The following RYR2 variants were observed in gnomAD, a reference collection of about 807,000 sequenced individuals.
RYR2 encodes the protein ryanodine receptor 2, also known as cardiac muscle ryanodine receptor-calcium release channel.
A neutral mutation model predicts 601.1 loss-of-function variants in RYR2; 227 were observed. That is an observed-to-expected ratio of 0.38 (90% CI 0.34 to 0.42). RYR2 has a LOEUF of 0.42. RYR2 is among the 10% of genes least tolerant of loss of function. The pLI is 1.00. For missense variants in RYR2, 4,646 were observed against 6,156.5 expected (o/e 0.75, Z 8.21); for synonymous variants, 2,223 against 2,175.1 (o/e 1.02, Z -0.61).
intron 28 of RYR2, 37 bp downstream of exon 28, chr1:237,566,812 T>G: frequency 6.3e-7 from 1 of 1,599,136 alleles, no homozygotes; most frequent in Non-Finnish European, 8.6e-7. Context: ...CATCTGTACG[T>G]GCTGGAGGCT....
Position 237,360,117 on chromosome 1 carries a change from A to G in RYR2, c.294+4132A>G, listed in dbSNP as rs989748422. 3.9e-5 allele frequency among the ~76,000 whole-genome samples: 6 copies of G among 152,228 alleles called. No individual in the cohort carries two copies. The East Asian group carries it at 7.7e-4, about 20-fold the overall frequency. On this transcript the variant is annotated intron_variant, in intron 4 of 104. Coordinates refer to ENST00000366574, the MANE Select transcript of RYR2 (RefSeq NM_001035.3). ...AAATGCATTTTAACACACGACTGCT[A>G]TTATGTGAGAACCTGCGAAATGCTT...
intron 83 of RYR2, among the ~76,000 whole-genome samples, chr1:237,760,309 G>C (rs1341770106): frequency 7.3e-6 from 1 of 136,616 alleles, no homozygotes; most frequent in Non-Finnish European, 1.5e-5. Flanking sequence ...AGTGAGCTAT[G>C]ATAGTGCCAC....
At chr1:237,131,892 T>TA (rs1388887715) in intron 1 of RYR2, among the ~76,000 whole-genome samples, 12 of 151,948 alleles carry the variant, frequency 7.9e-5, no homozygotes, top group South Asian at 2.1e-4. Context: ...GGCTGATTTT[T>TA]AAAAAAATGT....
intron 26 of RYR2, among the ~76,000 whole-genome samples, 185 bp downstream of exon 26, chr1:237,548,775 G>A (rs186087160): frequency 7.6e-4 from 116 of 152,310 alleles, no homozygotes; most frequent in Admixed American, 2.0e-3. Flanking sequence ...AGTTCTGGCT[G>A]TGATCGTGAA....
rs188010272 is a variant in RYR2 at position 237,619,630 on chromosome 1, C to T, written c.5916+2144C>T. ...AGTGAGAGATTCAAGAAGATGAGTACATTCCGTATAGGATAAACATAAATC... is the reference window on the plus strand; with the variant it reads ...AGTGAGAGATTCAAGAAGATGAGTATATTCCGTATAGGATAAACATAAATC... On this transcript the variant is annotated intron_variant, in intron 38 of 104. Transcript: ENST00000366574. Among the ~76,000 whole-genome samples the T allele has an allele frequency of 2.3e-3, 356 of 152,162 alleles. 2 individuals are homozygous for T. The highest frequency in any genetic ancestry group is 3.6e-3 in the Non-Finnish European group (248 of 68,002).
intron 24 of RYR2, among the ~76,000 whole-genome samples, chr1:237,529,757 T>TCCTACA: frequency 2.5e-5 from 1 of 40,232 alleles, no homozygotes; most frequent in Middle Eastern, 0.014. Flanking sequence ...AACAATAATA[T>TCCTACA]CATACACACA....
At chr1:237,452,173 C>T (rs1026883229) in intron 14 of RYR2, among the ~76,000 whole-genome samples, 28 of 142,742 alleles carry the variant, frequency 2.0e-4, no homozygotes, top group Non-Finnish European at 2.7e-4. Flanking sequence ...TGTGTGTATA[C>T]GTGGAAGTGT....
At chr1:237,702,965 A>G (rs1558251332) in intron 66 of RYR2, among the ~76,000 whole-genome samples, 1 of 151,966 alleles carries the variant, frequency 6.6e-6, no homozygotes, top group African/African-American at 2.4e-5. Flanking sequence ...CTCAATTTTC[A>G]TATTATTTTT....
At chr1:237,083,030 C>T (rs539483051) in intron 1 of RYR2, among the ~76,000 whole-genome samples, 167 of 152,232 alleles carry the variant, frequency 1.1e-3, no homozygotes, top group Non-Finnish European at 2.1e-3. Context: ...ACTTGTTGCC[C>T]GTTCAGAATT....
At chr1:237,310,018 G>T (rs1342817142) in intron 2 of RYR2, among the ~76,000 whole-genome samples, 1 of 152,192 alleles carries the variant, frequency 6.6e-6, no homozygotes, top group Non-Finnish European at 1.5e-5. Context: ...TGCAAGCAGA[G>T]GGAGCCAGCT....
At chr1:237,344,625 G>A (rs538963993) in intron 3 of RYR2, among the ~76,000 whole-genome samples, 23 of 152,056 alleles carry the variant, frequency 1.5e-4, no homozygotes, top group African/African-American at 3.9e-4. Flanking sequence ...ATTTCTACTC[G>A]TAGAGTTCCT....
intron 8 of RYR2, among the ~76,000 whole-genome samples, chr1:237,379,847 G>C (rs183946108): frequency 6.6e-6 from 1 of 152,086 alleles, no homozygotes; most frequent in African/African-American, 2.4e-5. Context: ...AGCTATAAGA[G>C]AGCAGCCAAC....
chr1:237,114,155 G>A (rs1216168983), intron 1 of RYR2, among the ~76,000 whole-genome samples: 3 of 152,122 alleles, frequency 2.0e-5, no homozygotes, highest in Non-Finnish European at 4.4e-5. Context: ...TTTCTGGTTA[G>A]TCATTTTCAC....
intron 1 of RYR2, among the ~76,000 whole-genome samples, chr1:237,248,270 C>CCACCGCAA: frequency 1.3e-5 from 1 of 77,226 alleles, no homozygotes; most frequent in African/African-American, 5.3e-5. Context: ...AGACTCCACC[C>CCACCGCAA]CCCGCAACCC....
chr1:237,481,131 C>T (rs1179221524), intron 17 of RYR2, among the ~76,000 whole-genome samples: 3 of 81,698 alleles, frequency 3.7e-5, no homozygotes, highest in East Asian at 3.4e-4. Flanking sequence ...TATATACACA[C>T]ACATATATAT....
At chr1:237,095,975 GT>G (rs1667466154) in intron 1 of RYR2, among the ~76,000 whole-genome samples, 1 of 152,202 alleles carries the variant, frequency 6.6e-6, no homozygotes, top group Admixed American at 6.5e-5. Flanking sequence ...TACTAGAATA[GT>G]TTTCATTTCT....
intron 7 of RYR2, among the ~76,000 whole-genome samples, chr1:237,375,001 T>A (rs781618917): frequency 6.6e-6 from 1 of 152,224 alleles, no homozygotes; most frequent in African/African-American, 2.4e-5. Context: ...ATGTTCAAAC[T>A]AGGCTTCAAA....
intron 17 of RYR2, among the ~76,000 whole-genome samples, chr1:237,479,403 GTTTTC>G (rs905985812): frequency 6.6e-6 from 1 of 151,996 alleles, no homozygotes; most frequent in African/African-American, 2.4e-5. Flanking sequence ...ACCTTTATTT[GTTTTC>G]TTTGCGATCA....
chr1:237,393,739 G>A (rs957632656), intron 10 of RYR2, among the ~76,000 whole-genome samples: 2 of 152,156 alleles, frequency 1.3e-5, no homozygotes, highest in African/African-American at 2.4e-5. Flanking sequence ...TCTGCTCTTT[G>A]CCTCTTCTCC....
Sources: allele counts gnomAD v4.1 joint callset (sites outside exome capture counted in the v4.1 genomes callset), GRCh38; gene constraint gnomAD v4.1.1; transcripts MANE v1.5; gene names NCBI Gene and HGNC (gene_info 2026-07-23, HGNC 2026-07-21).